The following USP42 variants were observed in gnomAD, a reference collection of about 807,000 sequenced individuals.
The protein encoded by USP42 is ubiquitin specific peptidase 42.
USP42 carries 23 observed loss-of-function variants against 113.0 expected under a neutral mutation model. The observed-to-expected ratio is 0.20, with a 90% confidence interval of 0.15 to 0.29. USP42 has a LOEUF of 0.29. USP42 is among the 10% of genes least tolerant of loss of function. The pLI is 1.00. For synonymous variants in USP42, 933 were observed against 699.0 expected (o/e 1.33, Z -5.28); for missense variants, 2,174 against 1,779.8 (o/e 1.22, Z -3.99).
rs566920124 is a variant in USP42 at position 6,157,577 on chromosome 7, T to A, written c.3943+522T>A. On this transcript the variant is annotated intron_variant, in intron 16 of 17. Coordinates refer to ENST00000306177, the MANE Select transcript of USP42 (RefSeq NM_032172.3). The surrounding 1 kb of genome is among the most constrained non-coding windows in gnomAD (Gnocchi z 4.1). ...CACGCCCGGCTAAATTTTGTGTTTTTAGTAGAGACGGTGTTTCACCGTGTT... is the reference window on the plus strand; with the variant it reads ...CACGCCCGGCTAAATTTTGTGTTTTAAGTAGAGACGGTGTTTCACCGTGTT... Among the ~76,000 whole-genome samples the A allele has an allele frequency of 2.6e-5, 4 of 152,284 alleles. No homozygotes were observed. The highest frequency in any genetic ancestry group is 9.6e-5 in the African/African-American group (4 of 41,566).
chr7:6,134,901 C>T (rs957504195), intron 3 of USP42, among the ~76,000 whole-genome samples: 3 of 152,126 alleles, frequency 2.0e-5, no homozygotes, highest in Non-Finnish European at 4.4e-5. Context: ...ATCCTCCTGC[C>T]TCGGCCTCCT....
chr7:6,109,256 C>A (rs1779460601), intron 1 of USP42, among the ~76,000 whole-genome samples: 1 of 151,930 alleles, frequency 6.6e-6, no homozygotes, highest in Non-Finnish European at 1.5e-5. Context: ...GAAAAAAAAA[C>A]AAGACTTCAG....
In USP42 at chr7:6,158,669, C is replaced by T. The variant is rs1350890317; in HGVS notation, c.3944-781C>T. Among the ~76,000 whole-genome samples the T allele has an allele frequency of 5.3e-5, 8 of 152,190 alleles. No homozygotes were observed. The highest frequency in any genetic ancestry group is 1.3e-4 in the Admixed American group (2 of 15,282). ...ACTGCCGGTGAGGACGGGTTGCCTGCGGGCCTTGTAGACGTTCTGGACATT... is the reference window on the plus strand; with the variant it reads ...ACTGCCGGTGAGGACGGGTTGCCTGTGGGCCTTGTAGACGTTCTGGACATT... On this transcript the variant is annotated intron_variant, in intron 16 of 17. Transcript: ENST00000306177. The surrounding 1 kb of genome is among the most constrained non-coding windows in gnomAD (Gnocchi z 4.2).
chr7:6,117,320 C>A (rs534098470), intron 3 of USP42, among the ~76,000 whole-genome samples: 1 of 152,078 alleles, frequency 6.6e-6, no homozygotes, highest in Admixed American at 6.6e-5. Context: ...CATATTATCT[C>A]GCTTCTTTCA....
upstream of USP42, among the ~76,000 whole-genome samples, chr7:6,101,393 C>T (rs1383542758): frequency 1.3e-5 from 2 of 151,018 alleles, no homozygotes; most frequent in Non-Finnish European, 2.9e-5. Context: ...AATCAGTTTG[C>T]GTCTTGCATA....
intron 3 of USP42, among the ~76,000 whole-genome samples, chr7:6,119,963 T>C (rs538611746): frequency 1.7e-3 from 263 of 152,022 alleles, no homozygotes; most frequent in Non-Finnish European, 3.3e-3. Flanking sequence ...CAGCCTTTTT[T>C]TGTTTTTGTT....
At chr7:6,141,204 T>TC (rs1209026722) in intron 7 of USP42, among the ~76,000 whole-genome samples, 1 of 145,932 alleles carries the variant, frequency 6.9e-6, no homozygotes, top group African/African-American at 2.5e-5. Flanking sequence ...TTCTTTTCTT[T>TC]TTTTTTTTTT....
chr7:6,134,991 T>C (rs1471113416), intron 3 of USP42, among the ~76,000 whole-genome samples: 2 of 152,134 alleles, frequency 1.3e-5, no homozygotes, highest in African/African-American at 2.4e-5. Flanking sequence ...GGTTTGACCA[T>C]GTTGCCCAGG....
intron 3 of USP42, among the ~76,000 whole-genome samples, chr7:6,132,021 C>T (rs1412612355): frequency 6.6e-6 from 1 of 152,194 alleles, no homozygotes; most frequent in Non-Finnish European, 1.5e-5. Flanking sequence ...CAGCCTCAAC[C>T]TCTTGGGCTC....
At chr7:6,134,084 G>A (rs1326690752) in intron 3 of USP42, among the ~76,000 whole-genome samples, 3 of 151,814 alleles carry the variant, frequency 2.0e-5, no homozygotes, top group Non-Finnish European at 2.9e-5. Context: ...GTAGAGACGG[G>A]GTTTCACTGT....
In USP42 at chr7:6,139,814, C is replaced by G; in HGVS notation, c.657-314C>G. The stretch of plus-strand genomic sequence containing the variant: ...CTTTTCCGCCTCCGCTCCCTTTCCT[C>G]CCACACAGGCCGCAGTGCCCGGAGG... On this transcript the variant is annotated intron_variant, in intron 5 of 17. Transcript: ENST00000306177. This position sits in a 1 kb window ranked among gnomAD's most constrained non-coding sequence, Gnocchi z 4.5. 1 of 439,542 alleles carries G rather than the reference C, an allele frequency of 2.3e-6. No individual in the cohort carries two copies. 27.2% of individuals were successfully genotyped at this position (439,542 alleles called of 1,614,324 possible). A position where few individuals can be genotyped will look rare whatever the true frequency, so the allele number is the denominator to read the frequency against.
chr7:6,136,455 A>G (rs1781156882), intron 4 of USP42, among the ~76,000 whole-genome samples: 4 of 152,238 alleles, frequency 2.6e-5, no homozygotes. Context: ...GAAACTTTAA[A>G]GCAAAAGATG....
upstream of USP42, among the ~76,000 whole-genome samples, chr7:6,103,516 C>CAAA (rs200050634): frequency 3.3e-4 from 45 of 135,926 alleles, no homozygotes; most frequent in African/African-American, 1.1e-3. Flanking sequence ...AACTCCGTCT[C>CAAA]AAAAAAAAAA....
chr7:6,157,204 CAG>C lies in USP42; in HGVS notation c.3943+150_3943+151del. 7.0e-7 allele frequency: 1 copy of C among 1,426,850 alleles called. No individual in the cohort carries two copies. The highest frequency in any genetic ancestry group is 9.1e-7 in the Non-Finnish European group (1 of 1,095,450). 88.4% of individuals were successfully genotyped at this position (1,426,850 alleles called of 1,614,324 possible). On this transcript the variant is annotated intron_variant, in intron 16 of 17. Transcript: ENST00000306177. This position sits in a 1 kb window ranked among gnomAD's most constrained non-coding sequence, Gnocchi z 4.1. ...ACCCCTGCCCTGCCTGGTCTGGCCT[CAG>C]TGCTCATCCCTGCAGTGTGGTTCCG... is the stretch of plus-strand genomic sequence containing the variant.
intron 2 of USP42, among the ~76,000 whole-genome samples, chr7:6,112,829 C>G (rs1462063480): frequency 6.6e-6 from 1 of 151,106 alleles, no homozygotes; most frequent in African/African-American, 2.4e-5. Context: ...CCAGGGAAGC[C>G]AAAAGATTGG....
chr7:6,117,018 CT>C (rs1779949419), intron 3 of USP42: 6 of 370,270 alleles, frequency 1.6e-5, no homozygotes. Flanking sequence ...TTCTCTCTCT[CT>C]TTTCCCAGCT....
At chr7:6,085,959 G>C in the USP42 span, among the ~76,000 whole-genome samples, 1 of 150,762 alleles carries the variant, frequency 6.6e-6, no homozygotes, top group Non-Finnish European at 1.5e-5. Flanking sequence ...ACTCTTTGTA[G>C]GAGACCTCAA....
Position 6,145,644 on chromosome 7 carries a change from C to A in USP42, c.1119C>A (p.Phe373Leu). 6.2e-7 allele frequency: 1 copy of A among 1,613,844 alleles called. No homozygotes were observed. The highest frequency in any genetic ancestry group is 8.5e-7 in the Non-Finnish European group (1 of 1,179,776). Residue 373 changes from phenylalanine (F) to leucine (L), a missense_variant, in exon 10 of 18, where the codon TTC becomes TTA. By Grantham distance (22) the Phe-to-Leu change is conservative. Transcript: ENST00000306177. ...TGFNCHAGHY[F>L]CYIKASNGLW... Reference sequence around the variant, plus strand: ...TTAATTGCCATGCTGGCCATTACTTCTGCTACATAAAAGTAAGCTGTGCAG... The same window carrying A: ...TTAATTGCCATGCTGGCCATTACTTATGCTACATAAAAGTAAGCTGTGCAG...
chr7:6,137,893 A>T (rs13241729), intron 4 of USP42, among the ~76,000 whole-genome samples: 1 of 151,732 alleles, frequency 6.6e-6, no homozygotes. Flanking sequence ...GTTAGCCAGG[A>T]TGGCCTCGAT....
Sources: allele counts gnomAD v4.1 joint callset (sites outside exome capture counted in the v4.1 genomes callset), GRCh38; gene constraint gnomAD v4.1.1; non-coding constraint Gnocchi (gnomAD v3.1); transcripts MANE v1.5; gene names NCBI Gene and HGNC (gene_info 2026-07-23, HGNC 2026-07-21).